PPP3CA: variants seen among roughly 807,000 people sequenced by gnomAD.
The protein encoded by PPP3CA is CAM-PRP catalytic subunit.
PPP3CA carries 14 observed loss-of-function variants against 66.5 expected under a neutral mutation model. That is an observed-to-expected ratio of 0.21 (90% confidence interval 0.14 to 0.33). The LOEUF (loss-of-function observed/expected upper bound fraction) is 0.33, where lower values mean the gene tolerates loss of function less well. Ranked by LOEUF, PPP3CA falls within the 10% of genes least tolerant of loss-of-function variation. The pLI is 1.00. For missense variants in PPP3CA, 317 were observed against 639.5 expected, an observed-to-expected ratio of 0.50 and a Z score of 5.44; for synonymous variants, 232 against 226.2, an observed-to-expected ratio of 1.03 and a Z score of -0.23.
chr4:101,294,367 A>T (rs1053752761), intron 1 of PPP3CA, among the ~76,000 whole-genome samples: 1 of 152,200 alleles, frequency 6.6e-6, no homozygotes, highest in African/African-American at 2.4e-5. Flanking sequence ...CCCAATTAGG[A>T]ACCATCAAAT....
At chr4:101,259,335 G>C (rs1578603621) in intron 1 of PPP3CA, among the ~76,000 whole-genome samples, 1 of 117,484 alleles carries the variant, frequency 8.5e-6, no homozygotes, top group Non-Finnish European at 2.0e-5. Context: ...TGACAGGAAG[G>C]CAATCATTCA....
intron 2 of PPP3CA, among the ~76,000 whole-genome samples, chr4:101,152,424 A>G (rs1470452320): frequency 2.0e-5 from 3 of 152,208 alleles, no homozygotes; most frequent in Non-Finnish European, 4.4e-5. Context: ...TTTATGAGTT[A>G]CCTCTAAAAG....
intron 2 of PPP3CA, among the ~76,000 whole-genome samples, chr4:101,116,920 TC>T (rs1314200908): frequency 2.0e-5 from 3 of 151,680 alleles, no homozygotes; most frequent in Non-Finnish European, 4.4e-5. Flanking sequence ...CTAAATCAAA[TC>T]AAAATTTGGT....
At chr4:101,085,726 T>C (rs1218417003) in intron 6 of PPP3CA, among the ~76,000 whole-genome samples, 1 of 152,116 alleles carries the variant, frequency 6.6e-6, no homozygotes, top group East Asian at 1.9e-4. Flanking sequence ...TATACAGAAG[T>C]TTCTAATAGT....
intron 1 of PPP3CA, among the ~76,000 whole-genome samples, chr4:101,240,363 A>G (rs975332504): frequency 6.6e-6 from 1 of 152,158 alleles, no homozygotes; most frequent in Non-Finnish European, 1.5e-5. Flanking sequence ...GAATAAATTT[A>G]CAACTACATG....
intron 9 of PPP3CA, 35 bp downstream of exon 9, chr4:101,063,197 T>C (rs780155809): frequency 1.2e-6 from 2 of 1,602,132 alleles, no homozygotes; most frequent in East Asian, 2.2e-5. Flanking sequence ...TCCTAAACTA[T>C]TTTAAGAAGA....
intron 9 of PPP3CA, among the ~76,000 whole-genome samples, chr4:101,061,837 A>G (rs1401218466): frequency 6.6e-6 from 1 of 151,984 alleles, no homozygotes; most frequent in East Asian, 1.9e-4. Flanking sequence ...TATACTATAA[A>G]CCATGCTATT....
In PPP3CA at chr4:101,118,129, A is replaced by G. The variant is rs1343904180; in HGVS notation, c.260-9051T>C. The stretch of plus-strand genomic sequence containing the variant: ...CCTATGTTTCTAGGGCTTTTAAAAA[A>G]TCTTAGTGTTTCTTAACACTGTGTC... On this transcript the variant is annotated intron_variant, in intron 2 of 13. Transcript: ENST00000394854. Among the ~76,000 whole-genome samples, 3 of 151,964 alleles carry G rather than the reference A, an allele frequency of 2.0e-5. No homozygotes were observed. In the East Asian group the frequency reaches 5.8e-4, roughly 29 times the overall value.
At chr4:101,141,278 G>A (rs1722799935) in intron 2 of PPP3CA, among the ~76,000 whole-genome samples, 1 of 152,154 alleles carries the variant, frequency 6.6e-6, no homozygotes, top group Non-Finnish European at 1.5e-5. Flanking sequence ...GCTGAGGCAG[G>A]AGAATTGCTT....
intron 1 of PPP3CA, among the ~76,000 whole-genome samples, chr4:101,252,833 C>T (rs928686068): frequency 6.6e-6 from 1 of 152,124 alleles, no homozygotes; most frequent in Admixed American, 6.6e-5. Context: ...ATTTGATAGA[C>T]GGTTGCTCTC....
chr4:101,278,556 AC>A (rs1727582778), intron 1 of PPP3CA, among the ~76,000 whole-genome samples: 1 of 152,214 alleles, frequency 6.6e-6, no homozygotes, highest in Admixed American at 6.5e-5. Context: ...GACTGCGGAT[AC>A]CACAGAGGTG....
intron 1 of PPP3CA, among the ~76,000 whole-genome samples, chr4:101,321,062 A>G (rs1030452318): frequency 7.2e-5 from 11 of 152,216 alleles, no homozygotes; most frequent in Non-Finnish European, 1.6e-4. Context: ...ACTTTCACTT[A>G]CAAGACAAAG....
intron 1 of PPP3CA, among the ~76,000 whole-genome samples, chr4:101,322,959 A>G (rs1353165731): frequency 6.6e-6 from 1 of 152,168 alleles, no homozygotes; most frequent in Non-Finnish European, 1.5e-5. Flanking sequence ...CTCAGCATAT[A>G]TATGTGTGTA....
At position 101,179,716 on chromosome 4, in the gene PPP3CA, A is replaced by G. The variant is rs535310502; in HGVS notation, c.259+16200T>C. ...ACTTATTTCAGGGTAAATACTTAAT[A>G]AATACAAATTCTAAAAATATTTTAA... On this transcript the variant is annotated intron_variant, in intron 2 of 13. Coordinates refer to ENST00000394854, the MANE Select transcript of PPP3CA (RefSeq NM_000944.5). 2.6e-5 allele frequency among the ~76,000 whole-genome samples: 4 copies of G among 152,304 alleles called. No homozygotes were observed. In the East Asian group the frequency reaches 7.7e-4, roughly 29 times the overall value.
At chr4:101,196,154 A>G (rs1724784123) in intron 1 of PPP3CA, 38 bp from the exon 2 acceptor site, 2 of 1,577,766 alleles carry the variant, frequency 1.3e-6, no homozygotes, top group Non-Finnish European at 8.7e-7. Flanking sequence ...ATTAGCCAAA[A>G]CTCAACAACA....
At chr4:101,233,947 C>G (rs1040252234) in intron 1 of PPP3CA, among the ~76,000 whole-genome samples, 2 of 151,652 alleles carry the variant, frequency 1.3e-5, no homozygotes, top group Non-Finnish European at 2.9e-5. Context: ...CTCTTTGTGT[C>G]CATGTGTTTT....
At chr4:101,220,942 C>G (rs1725605951) in intron 1 of PPP3CA, among the ~76,000 whole-genome samples, 1 of 151,760 alleles carries the variant, frequency 6.6e-6, no homozygotes, top group African/African-American at 2.4e-5. Flanking sequence ...GAAAGTCCAA[C>G]TATTCTGTTT....
At chr4:101,181,057 TAATAA>T (rs141519481) in intron 2 of PPP3CA, among the ~76,000 whole-genome samples, 1 of 151,916 alleles carries the variant, frequency 6.6e-6, no homozygotes, top group African/African-American at 2.4e-5. Flanking sequence ...TCTCTAAAAA[TAATAA>T]AATAAAATAA....
At chr4:101,242,185 A>G (rs1246415036) in intron 1 of PPP3CA, among the ~76,000 whole-genome samples, 1 of 127,334 alleles carries the variant, frequency 7.9e-6, no homozygotes, top group East Asian at 2.0e-4. Flanking sequence ...ATGTTTACAG[A>G]CAGCATTAGC....
Sources: gnomAD v4.1 joint callset for allele counts (sites outside exome capture counted in the v4.1 genomes callset) on GRCh38, gnomAD v4.1.1 for gene constraint, MANE v1.5 for transcripts, NCBI Gene and HGNC (gene_info 2026-07-23, HGNC 2026-07-21) for gene names.